The following ELOVL2 variants were observed in gnomAD, a reference collection of about 807,000 sequenced individuals.
ELOVL2 encodes ELOVL fatty acid elongase 2.
ELOVL2 carries 38 observed loss-of-function variants against 37.7 expected under a neutral mutation model. That is an observed-to-expected ratio of 1.01 (90% CI 0.78 to 1.32). The LOEUF (loss-of-function observed/expected upper bound fraction) is 1.32. ELOVL2 is among the 40% of genes most tolerant of loss of function. The probability of loss-of-function intolerance (pLI) is 0.00; values close to 1 mark genes in which losing one functional copy is unlikely to be tolerated. For synonymous variants in ELOVL2, 115 were observed against 122.3 expected (o/e 0.94, Z 0.40); for missense variants, 352 against 363.6 (o/e 0.97, Z 0.26).
chr6:10,990,281 GCCACA>G (rs774613363), intron 6 of ELOVL2, 32 bp downstream of exon 6: 181 of 1,602,776 alleles, frequency 1.1e-4, no homozygotes, highest in Non-Finnish European at 1.5e-4. Flanking sequence ...CCATCCATAA[GCCACA>G]TGGAGAAAAG....
chr6:11,016,612 A>C (rs1027156962), intron 1 of ELOVL2, among the ~76,000 whole-genome samples: 38 of 152,272 alleles, frequency 2.5e-4, no homozygotes, highest in Non-Finnish European at 3.8e-4. Context: ...GAACTGAGAG[A>C]AGAGGAGGTG....
intron 7 of ELOVL2, among the ~76,000 whole-genome samples, chr6:10,985,902 G>C (rs1460943097): frequency 1.3e-5 from 2 of 151,990 alleles, no homozygotes; most frequent in Non-Finnish European, 2.9e-5. Flanking sequence ...TTGGTAGCTT[G>C]ATGGGGATGG....
chr6:10,990,473 C>A (rs756370494), intron 5 of ELOVL2, 31 bp from the exon 6 acceptor site: 2 of 1,548,448 alleles, frequency 1.3e-6, no homozygotes, highest in Non-Finnish European at 1.7e-6. Flanking sequence ...AATCACTATT[C>A]TTCCAGGAAG....
chr6:11,020,768 T>C (rs914351474), intron 1 of ELOVL2, among the ~76,000 whole-genome samples: 10 of 152,230 alleles, frequency 6.6e-5, no homozygotes, highest in African/African-American at 2.4e-4. Flanking sequence ...TTCCCCCTAA[T>C]AGGTTAAATT....
intron 2 of ELOVL2, 63 bp from the exon 3 acceptor site, chr6:11,005,622 T>C: frequency 2.2e-6 from 3 of 1,365,358 alleles, no homozygotes; most frequent in Non-Finnish European, 3.1e-6. Context: ...TCATCAGTAT[T>C]GTCACATACA....
chr6:11,022,495 T>A (rs912528823), intron 1 of ELOVL2, among the ~76,000 whole-genome samples: 6 of 151,936 alleles, frequency 3.9e-5, no homozygotes, highest in African/African-American at 1.5e-4. Context: ...TTGAAAAAAC[T>A]CTCTGGGTAT....
intron 1 of ELOVL2, among the ~76,000 whole-genome samples, chr6:11,026,643 T>C (rs1485435502): frequency 1.3e-5 from 2 of 152,168 alleles, no homozygotes; most frequent in Non-Finnish European, 1.5e-5. Context: ...TGAAGCTGTT[T>C]TTAGCACTTT....
chr6:11,003,400 T>A (rs1459928579), intron 3 of ELOVL2, among the ~76,000 whole-genome samples: 1 of 152,128 alleles, frequency 6.6e-6, no homozygotes, highest in Non-Finnish European at 1.5e-5. Flanking sequence ...TGAGAACATG[T>A]GGTGTTTGGT....
Position 10,990,321 on chromosome 6 carries a change from C to T in ELOVL2, c.627G>A (p.Gln209=). The T allele has an allele frequency of 1.2e-6, 2 of 1,611,672 alleles. No individual in the cohort carries two copies. Among genetic ancestry groups the T allele is most frequent in the Non-Finnish European group, 1.7e-6 (2 of 1,179,346 alleles). Reference sequence around the variant, plus strand: ...GCTAAAAGAAGGGACAACATACCAGCTGAGCCTGTGTGAGATATTTCTTCC... The same window carrying T: ...GCTAAAAGAAGGGACAACATACCAGTTGAGCCTGTGTGAGATATTTCTTCC... ...LWWKKYLTQA[Q]LVQFVLTITH... The change falls in exon 6 of 8, where the codon CAG becomes CAA. Residue 209 remains glutamine (Q), a synonymous_variant. Transcript: ENST00000354666.
chr6:11,036,997 G>GCAGAGAGGGAGAGAGAGA (rs1283362169), intron 1 of ELOVL2, among the ~76,000 whole-genome samples: 3 of 151,254 alleles, frequency 2.0e-5, no homozygotes, highest in Non-Finnish European at 3.0e-5. Context: ...GACAGAGGAG[G>GCAGAGAGGGAGAGAGAGA]CAGAGAGGGA....
intron 7 of ELOVL2, 56 bp downstream of exon 7, chr6:10,989,647 A>C: frequency 6.3e-7 from 1 of 1,576,778 alleles, no homozygotes; most frequent in Non-Finnish European, 8.6e-7. Context: ...CTCCAAAAAA[A>C]AAAAAATAGT....
intron 7 of ELOVL2, 101 bp from the exon 8 acceptor site, chr6:10,984,007 G>A: frequency 8.8e-7 from 1 of 1,140,596 alleles, no homozygotes. Flanking sequence ...GATTTTGTTG[G>A]GCGCAGGATT....
intron 7 of ELOVL2, among the ~76,000 whole-genome samples, chr6:10,985,230 T>C (rs1396956363): frequency 6.6e-6 from 1 of 152,140 alleles, no homozygotes; most frequent in East Asian, 1.9e-4. Flanking sequence ...CTTGTAAATT[T>C]GTTTGAGTTC....
chr6:11,001,481 C>T (rs1242485357), intron 3 of ELOVL2, among the ~76,000 whole-genome samples: 1 of 152,020 alleles, frequency 6.6e-6, no homozygotes, highest in Non-Finnish European at 1.5e-5. Context: ...TTGGTGTGTT[C>T]GTGCATTTTT....
chr6:10,992,419 ATC>A (rs1782178798), intron 5 of ELOVL2, among the ~76,000 whole-genome samples: 1 of 152,178 alleles, frequency 6.6e-6, no homozygotes. Flanking sequence ...AGCTCAGTGC[ATC>A]TCAAACTGTA....
intron 3 of ELOVL2, among the ~76,000 whole-genome samples, chr6:11,004,942 T>G (rs1311491903): frequency 6.6e-6 from 1 of 152,190 alleles, no homozygotes; most frequent in East Asian, 1.9e-4. Flanking sequence ...GAGGATCACC[T>G]GAGATCAGGA....
At chr6:11,012,879 T>G (rs1016848388) in intron 1 of ELOVL2, among the ~76,000 whole-genome samples, 1 of 151,864 alleles carries the variant, frequency 6.6e-6, no homozygotes, top group Admixed American at 6.6e-5. Context: ...GGAGAGAGAG[T>G]AATACACAAA....
chr6:11,021,902 G>A (rs2113541803), intron 1 of ELOVL2, among the ~76,000 whole-genome samples: 1 of 152,218 alleles, frequency 6.6e-6, no homozygotes, highest in Non-Finnish European at 1.5e-5. Flanking sequence ...CGCTTGAGAG[G>A]GAGCTCATCC....
intron 7 of ELOVL2, among the ~76,000 whole-genome samples, chr6:10,985,470 TTATG>T (rs1554110262): frequency 5.2e-4 from 57 of 109,832 alleles, no homozygotes; most frequent in Middle Eastern, 4.0e-3. Flanking sequence ...GCCTAGGTTT[TTATG>T]GTTTTAGGTC....
Sources: allele counts gnomAD v4.1 joint callset (sites outside exome capture counted in the v4.1 genomes callset), GRCh38; gene constraint gnomAD v4.1.1; transcripts MANE v1.5; gene names NCBI Gene and HGNC (gene_info 2026-07-23, HGNC 2026-07-21).